The following SAMD7 variants were observed in gnomAD, a reference collection of about 807,000 sequenced individuals.
The protein encoded by SAMD7 is sterile alpha motif domain-containing protein 7.
SAMD7 carries 34 observed loss-of-function variants against 36.7 expected under a neutral mutation model. The observed-to-expected ratio is 0.93, with a 90% CI of 0.71 to 1.23. The LOEUF is 1.23. Among genes scored for constraint, SAMD7 ranks in the 50% most tolerant of loss-of-function variants. The pLI is 0.00. For synonymous variants in SAMD7, 188 were observed against 189.7 expected (o/e 0.99, Z 0.07); for missense variants, 570 against 546.6 (o/e 1.04, Z -0.43).
At chr3:169,929,253 C>T (rs1006856235) in intron 7 of SAMD7, among the ~76,000 whole-genome samples, 6 of 151,768 alleles carry the variant, frequency 4.0e-5, no homozygotes, top group Non-Finnish European at 8.8e-5. Flanking sequence ...CATTTTCATG[C>T]ATTTAGTTTA....
intron 1 of SAMD7, among the ~76,000 whole-genome samples, chr3:169,912,763 T>C (rs79015062): frequency 0.021 from 3,257 of 152,268 alleles, 53 homozygotes; most frequent in Non-Finnish European, 0.031. Context: ...GAAATGCAGT[T>C]AGAAAAGTCC....
At chr3:169,917,415 A>C (rs1481502930) in intron 2 of SAMD7, among the ~76,000 whole-genome samples, 1 of 152,038 alleles carries the variant, frequency 6.6e-6, no homozygotes, top group Non-Finnish European at 1.5e-5. Flanking sequence ...ACAATAAGAA[A>C]ACCCAATTAT....
At chr3:169,914,019 T>C (rs181958688) in intron 1 of SAMD7, among the ~76,000 whole-genome samples, 14 of 152,342 alleles carry the variant, frequency 9.2e-5, no homozygotes, top group Admixed American at 4.6e-4. Context: ...TATGATACTG[T>C]AATGGTGGAT....
At chr3:169,912,243 T>G (rs1283990366) in intron 1 of SAMD7, among the ~76,000 whole-genome samples, 1 of 152,194 alleles carries the variant, frequency 6.6e-6, no homozygotes, top group Non-Finnish European at 1.5e-5. Context: ...TATAGATATC[T>G]ATATTCCAAA....
chr3:169,936,061 CA>C (rs1162367434), intron 7 of SAMD7, among the ~76,000 whole-genome samples: 2 of 152,046 alleles, frequency 1.3e-5, no homozygotes, highest in African/African-American at 4.8e-5. Context: ...GTACATTGGT[CA>C]AAAAAACACT....
At chr3:169,916,710 A>T (rs1416731916) in intron 2 of SAMD7, among the ~76,000 whole-genome samples, 1 of 152,170 alleles carries the variant, frequency 6.6e-6, no homozygotes, top group African/African-American at 2.4e-5. Flanking sequence ...CTCCTCACTT[A>T]TGAGTAAGTT....
At chr3:169,921,964 C>T (rs938666888) in intron 4 of SAMD7, among the ~76,000 whole-genome samples, 5 of 152,132 alleles carry the variant, frequency 3.3e-5, no homozygotes, top group African/African-American at 1.2e-4. Flanking sequence ...ACAGGATTTT[C>T]TCACAGTGTG....
intron 7 of SAMD7, among the ~76,000 whole-genome samples, chr3:169,931,486 C>T (rs1408409770): frequency 2.6e-5 from 4 of 152,008 alleles, no homozygotes; most frequent in South Asian, 2.1e-4. Flanking sequence ...CTACCACACC[C>T]AGCTAATTTT....
intron 7 of SAMD7, among the ~76,000 whole-genome samples, chr3:169,930,302 G>T (rs1055581836): frequency 6.6e-6 from 1 of 152,086 alleles, no homozygotes; most frequent in Non-Finnish European, 1.5e-5. Flanking sequence ...TTCTAGATAC[G>T]TCTCAAATTT....
intron 7 of SAMD7, among the ~76,000 whole-genome samples, chr3:169,934,427 CA>C (rs975460910): frequency 3.3e-5 from 5 of 150,520 alleles, no homozygotes; most frequent in South Asian, 2.1e-4. Flanking sequence ...ACAATCCTCA[CA>C]AAAAAAAACC....
intron 7 of SAMD7, among the ~76,000 whole-genome samples, chr3:169,935,044 G>A (rs897157130): frequency 5.3e-5 from 8 of 152,180 alleles, no homozygotes; most frequent in Non-Finnish European, 8.8e-5. Flanking sequence ...AGAGGCACCC[G>A]GAAGCCTGAG....
At chr3:169,922,529 C>G (rs1328156175) in intron 4 of SAMD7, among the ~76,000 whole-genome samples, 2 of 152,154 alleles carry the variant, frequency 1.3e-5, no homozygotes, top group Non-Finnish European at 2.9e-5. Flanking sequence ...GATGGAGTTT[C>G]ACTCTTGTTG....
At chr3:169,930,577 T>G in intron 7 of SAMD7, among the ~76,000 whole-genome samples, 1 of 114,280 alleles carries the variant, frequency 8.8e-6, no homozygotes, top group South Asian at 2.8e-4. Context: ...CCCTTTCTTT[T>G]CTTTTTTTTT....
chr3:169,925,219 A>G (rs946588629), intron 5 of SAMD7, 83 bp downstream of exon 5: 18 of 786,030 alleles, frequency 2.3e-5, no homozygotes, highest in Non-Finnish European at 3.3e-5. Flanking sequence ...TAACAAATGA[A>G]TAGATGAATA....
chr3:169,923,025 C>G (rs1034318147), intron 4 of SAMD7, among the ~76,000 whole-genome samples: 2 of 152,152 alleles, frequency 1.3e-5, no homozygotes, highest in Non-Finnish European at 2.9e-5. Flanking sequence ...TCAGGAGAGA[C>G]TAGGAGGTGA....
At chr3:169,914,381 G>T (rs1712717316) in intron 1 of SAMD7, among the ~76,000 whole-genome samples, 1 of 152,202 alleles carries the variant, frequency 6.6e-6, no homozygotes, top group Non-Finnish European at 1.5e-5. Flanking sequence ...ATATGATAGT[G>T]ATAAGTAAAT....
chr3:169,927,584 C>A (rs185593583), intron 6 of SAMD7, among the ~76,000 whole-genome samples: 1 of 151,954 alleles, frequency 6.6e-6, no homozygotes, highest in African/African-American at 2.4e-5. Flanking sequence ...CGTGAGCCAC[C>A]GCGCCCGGCT....
intron 4 of SAMD7, among the ~76,000 whole-genome samples, chr3:169,922,582 C>A (rs569368235): frequency 1.3e-5 from 2 of 152,224 alleles, no homozygotes; most frequent in Non-Finnish European, 1.5e-5. Context: ...TCACTGCAAC[C>A]TTTGCCTCCC....
chr3:169,931,414 T>G (rs1265771169), intron 7 of SAMD7, among the ~76,000 whole-genome samples: 1 of 151,988 alleles, frequency 6.6e-6, no homozygotes, highest in African/African-American at 2.4e-5. Context: ...CCAGCCTACC[T>G]CTGCTTGAAA....
Sources: allele counts gnomAD v4.1 joint callset (sites outside exome capture counted in the v4.1 genomes callset), GRCh38; gene constraint gnomAD v4.1.1; transcripts MANE v1.5; gene names NCBI Gene and HGNC (gene_info 2026-07-23, HGNC 2026-07-21).